VWC2: variants seen among roughly 807,000 people sequenced by gnomAD.
The protein encoded by VWC2 is brorin.
In VWC2, 14 loss-of-function variants were observed where a neutral mutation model predicts 29.8. The observed-to-expected ratio is 0.47, with a 90% CI of 0.31 to 0.74. The LOEUF is 0.74. Among genes scored for constraint, VWC2 ranks in the 30% least tolerant of loss-of-function variants. The pLI is 0.05. For missense variants in VWC2, 457 were observed against 459.8 expected, an observed-to-expected ratio of 0.99 and a Z score of 0.05; for synonymous variants, 213 against 199.0, an observed-to-expected ratio of 1.07 and a Z score of -0.59.
chr7:49,899,414 A>G lies in VWC2; in HGVS notation c.827-12620A>G, dbSNP rs529633486. ...TTGCAGTTGACCATGGGTAACTGAA[A>G]CCATGGAAAGCAAAACTGTGGATAA... On this transcript the variant is annotated intron_variant, in intron 3 of 3. Coordinates refer to ENST00000340652, the MANE Select transcript of VWC2 (RefSeq NM_198570.5). 2.0e-5 allele frequency among the ~76,000 whole-genome samples: 3 copies of G among 152,154 alleles called. No homozygotes were observed. In the East Asian group the frequency reaches 5.8e-4, roughly 29 times the overall value.
chr7:49,905,643 T>C (rs1793044323), intron 3 of VWC2, among the ~76,000 whole-genome samples: 1 of 152,162 alleles, frequency 6.6e-6, no homozygotes, highest in East Asian at 1.9e-4. Flanking sequence ...CTAATGGAGA[T>C]GTCAGAGGTG....
chr7:49,818,451 C>T (rs1789196779), intron 3 of VWC2, among the ~76,000 whole-genome samples: 1 of 152,116 alleles, frequency 6.6e-6, no homozygotes, highest in African/African-American at 2.4e-5. Flanking sequence ...TCTTTAAGCA[C>T]TTATGTCTTA....
intron 3 of VWC2, among the ~76,000 whole-genome samples, chr7:49,873,906 TA>T (rs11326386): frequency 0.71 from 103,382 of 146,402 alleles, 36,429 homozygotes; most frequent in East Asian, 0.88. Context: ...TATAATTAAG[TA>T]AAAAAAAAAA....
intron 3 of VWC2, among the ~76,000 whole-genome samples, chr7:49,875,429 T>A (rs534437711): frequency 1.7e-4 from 25 of 143,060 alleles, no homozygotes; most frequent in African/African-American, 6.2e-4. Context: ...ATATATTTTT[T>A]AAAAATAGGA....
intron 3 of VWC2, among the ~76,000 whole-genome samples, chr7:49,832,761 G>A (rs2128711720): frequency 6.6e-6 from 1 of 152,240 alleles, no homozygotes; most frequent in East Asian, 1.9e-4. Context: ...CAACATTCAG[G>A]TAAAATTCTA....
intron 3 of VWC2, among the ~76,000 whole-genome samples, chr7:49,809,407 C>G (rs2128707162): frequency 6.6e-6 from 1 of 152,068 alleles, no homozygotes; most frequent in African/African-American, 2.4e-5. Flanking sequence ...CTCAAGCCTA[C>G]ATATCTTTAC....
intron 3 of VWC2, among the ~76,000 whole-genome samples, chr7:49,855,281 C>T (rs1011748940): frequency 2.0e-5 from 3 of 152,142 alleles, no homozygotes; most frequent in Non-Finnish European, 2.9e-5. Flanking sequence ...AGTTTATGGA[C>T]GGTGTAGTCT....
rs930307636 is a variant in VWC2, at chr7:49,919,351, T to C, written c.*7166T>C. On this transcript the variant is annotated 3_prime_UTR_variant, in exon 4 of 4. Coordinates refer to ENST00000340652, the MANE Select transcript of VWC2 (RefSeq NM_198570.5). ...AAAAAAGCGATGGCATCACATGCCA[T>C]TTTGAACTTTTGCATTAAAGTCATA... The C allele has an allele frequency of 6.6e-6, 1 of 152,168 alleles. No homozygotes were observed. Among genetic ancestry groups the C allele is most frequent in the African/African-American group, 2.4e-5 (1 of 41,434 alleles). 9.4% of individuals were successfully genotyped at this position (152,168 alleles called of 1,614,324 possible).
At chr7:49,870,364 C>A (rs946445334) in intron 3 of VWC2, among the ~76,000 whole-genome samples, 18 of 152,156 alleles carry the variant, frequency 1.2e-4, no homozygotes, top group Admixed American at 9.2e-4. Flanking sequence ...TGCGCCACTG[C>A]ACTCCACCCT....
At chr7:49,841,286 C>T (rs1234470545) in intron 3 of VWC2, among the ~76,000 whole-genome samples, 4 of 150,240 alleles carry the variant, frequency 2.7e-5, no homozygotes, top group Non-Finnish European at 5.9e-5. Context: ...TTTGCTGAAA[C>T]AGCCTAAGAT....
Position 49,821,584 on chromosome 7 carries a change from C to A in VWC2, c.826+18744C>A, listed in dbSNP as rs117160981. ...ACATTAAATAATGTCAGTTTTATATCAGTGTCTTACATGCTTCAAGTAGAA... is the reference window on the plus strand; with the variant it reads ...ACATTAAATAATGTCAGTTTTATATAAGTGTCTTACATGCTTCAAGTAGAA... On this transcript the variant is annotated intron_variant, in intron 3 of 3. Transcript: ENST00000340652. 4.1e-3 allele frequency among the ~76,000 whole-genome samples: 627 copies of A among 151,794 alleles called. 3 individuals carry two copies. Among genetic ancestry groups the A allele is most frequent in the Non-Finnish European group, 7.7e-3 (523 of 67,980 alleles).
At chr7:49,822,485 G>A (rs1789284756) in intron 3 of VWC2, among the ~76,000 whole-genome samples, 1 of 152,158 alleles carries the variant, frequency 6.6e-6, no homozygotes, top group Non-Finnish European at 1.5e-5. Flanking sequence ...CCAGGCTGGA[G>A]TGCAGGGCCA....
intron 3 of VWC2, among the ~76,000 whole-genome samples, chr7:49,911,183 CTT>C (rs1793400045): frequency 6.6e-6 from 1 of 152,048 alleles, no homozygotes; most frequent in South Asian, 2.1e-4. Flanking sequence ...AGTGTTGTCT[CTT>C]ATAAAAATTT....
chr7:49,779,585 A>ATT (rs11454792), intron 2 of VWC2, among the ~76,000 whole-genome samples: 42 of 147,936 alleles, frequency 2.8e-4, no homozygotes, highest in Middle Eastern at 3.4e-3. Context: ...CTATTGGCTT[A>ATT]TTTTTTTTTT....
chr7:49,907,977 G>T (rs1462555722), intron 3 of VWC2, among the ~76,000 whole-genome samples: 1 of 152,154 alleles, frequency 6.6e-6, no homozygotes, highest in Non-Finnish European at 1.5e-5. Context: ...TGGGGGAAAA[G>T]ACCTGGAAAG....
intron 3 of VWC2, among the ~76,000 whole-genome samples, chr7:49,863,425 C>T (rs1225738793): frequency 6.6e-6 from 1 of 151,954 alleles, no homozygotes; most frequent in Non-Finnish European, 1.5e-5. Context: ...ATTCTCTCTC[C>T]CTTTTTTTCT....
intron 3 of VWC2, among the ~76,000 whole-genome samples, chr7:49,840,954 CA>C (rs1339516695): frequency 1.3e-5 from 2 of 152,122 alleles, no homozygotes; most frequent in African/African-American, 4.8e-5. Flanking sequence ...TGATGGGATG[CA>C]AAGAACAGAC....
At chr7:49,840,124 G>A (rs1178499578) in intron 3 of VWC2, among the ~76,000 whole-genome samples, 1 of 152,220 alleles carries the variant, frequency 6.6e-6, no homozygotes, top group East Asian at 1.9e-4. Flanking sequence ...CTTTCCACCC[G>A]AGGAGAGCCT....
chr7:49,835,294 G>C (rs1458621568), intron 3 of VWC2, among the ~76,000 whole-genome samples: 1 of 152,222 alleles, frequency 6.6e-6, no homozygotes, highest in African/African-American at 2.4e-5. Context: ...AGAGGTGACT[G>C]ATGTAATTAG....
Sources: allele counts gnomAD v4.1 joint callset (sites outside exome capture counted in the v4.1 genomes callset), GRCh38; gene constraint gnomAD v4.1.1; transcripts MANE v1.5; gene names NCBI Gene and HGNC (gene_info 2026-07-23, HGNC 2026-07-21).